Variants in ANKRD33B observed in about 807,000 individuals in gnomAD.
ANKRD33B encodes the protein ankyrin repeat domain 33B.
A neutral mutation model predicts 21.5 loss-of-function variants in ANKRD33B; 6 were observed. That is an observed-to-expected ratio of 0.28 (90% CI 0.15 to 0.55). ANKRD33B has a LOEUF of 0.55. ANKRD33B is among the 20% of genes least tolerant of loss of function. ANKRD33B has a pLI of 0.94. For synonymous variants in ANKRD33B, 347 were observed against 342.4 expected (o/e 1.01, Z -0.15); for missense variants, 698 against 747.2 (o/e 0.93, Z 0.77).
chr5:10,634,105 C>T (rs375905644), intron 2 of ANKRD33B, among the ~76,000 whole-genome samples: 2 of 152,318 alleles, frequency 1.3e-5, no homozygotes, highest in African/African-American at 4.8e-5. Context: ...ATAATTTTCA[C>T]AAATGGGAGG....
chr5:10,632,754 T>C (rs1736756359), intron 2 of ANKRD33B, among the ~76,000 whole-genome samples: 1 of 152,200 alleles, frequency 6.6e-6, no homozygotes, highest in South Asian at 2.1e-4. Context: ...TTTGAACGGC[T>C]CTATGCTAGT....
At position 10,619,438 on chromosome 5, in the gene ANKRD33B, C is replaced by T; in HGVS notation, c.496+976C>T. ...GTCACCAAAAGGAGACCTCCTTGTC[C>T]CTTGTTGCTTCACAAGCTCCTGGAC... On this transcript the variant is annotated intron_variant, in intron 2 of 3. Transcript: ENST00000296657. This position sits in a 1 kb window ranked among gnomAD's most constrained non-coding sequence, Gnocchi z 4.5. 1 of 957,254 alleles carries T rather than the reference C, an allele frequency of 1.0e-6. No homozygotes were observed. The highest frequency in any genetic ancestry group is 1.2e-6 in the Non-Finnish European group (1 of 804,466). The allele number at this position is 957,254 out of a possible 1,614,324, so 59.3% of individuals were successfully genotyped here. A position where few individuals can be genotyped will look rare whatever the true frequency, so the allele number is the denominator to read the frequency against.
intron 1 of ANKRD33B, among the ~76,000 whole-genome samples, chr5:10,596,441 T>C (rs1483432161): frequency 6.6e-6 from 1 of 152,226 alleles, no homozygotes; most frequent in Non-Finnish European, 1.5e-5. Context: ...GTTTCTGCAT[T>C]AGTTTGCCAA....
intron 1 of ANKRD33B, among the ~76,000 whole-genome samples, chr5:10,608,482 A>T (rs193218756): frequency 1.1e-4 from 16 of 152,234 alleles, no homozygotes; most frequent in African/African-American, 3.6e-4. Context: ...AGATTGTTAG[A>T]CCAATGGGAG....
rs150176379 is a variant in ANKRD33B at position 10,600,191 on chromosome 5, G to C, written c.367-18142G>C. Reference sequence around the variant, plus strand: ...TTTTCTGCTATCATTACTTCATTGAGAGATAATTTACATACAGTGAAATGC... The same window carrying C: ...TTTTCTGCTATCATTACTTCATTGACAGATAATTTACATACAGTGAAATGC... On this transcript the variant is annotated intron_variant, in intron 1 of 3. Coordinates refer to ENST00000296657, the MANE Select transcript of ANKRD33B (RefSeq NM_001164440.2). Among the ~76,000 whole-genome samples, 20 of 152,312 alleles carry C rather than the reference G, an allele frequency of 1.3e-4. No individual in the cohort carries two copies. The East Asian group carries it at 3.7e-3, about 28-fold the overall frequency.
chr5:10,589,351 C>T (rs1735635900), intron 1 of ANKRD33B, among the ~76,000 whole-genome samples: 1 of 152,160 alleles, frequency 6.6e-6, no homozygotes, highest in Non-Finnish European at 1.5e-5. Flanking sequence ...ATTCATTTTG[C>T]AGTCTGAGTG....
intron 3 of ANKRD33B, among the ~76,000 whole-genome samples, chr5:10,645,285 C>T (rs989381051): frequency 3.9e-5 from 6 of 152,062 alleles, no homozygotes; most frequent in African/African-American, 1.4e-4. Context: ...GAGACCTGAG[C>T]TAGGGTTTGT....
At chr5:10,603,896 C>G (rs963993685) in intron 1 of ANKRD33B, among the ~76,000 whole-genome samples, 5 of 139,622 alleles carry the variant, frequency 3.6e-5, no homozygotes, top group African/African-American at 1.3e-4. Flanking sequence ...AAAAGGAGAA[C>G]TTTTTTTTTT....
intron 1 of ANKRD33B, among the ~76,000 whole-genome samples, chr5:10,616,530 C>T (rs1736287801): frequency 7.1e-6 from 1 of 140,716 alleles, no homozygotes; most frequent in South Asian, 2.2e-4. Flanking sequence ...CACCATTGCA[C>T]TCTAGCCTGG....
intron 1 of ANKRD33B, among the ~76,000 whole-genome samples, chr5:10,585,241 T>A (rs1735528538): frequency 1.3e-5 from 2 of 152,206 alleles, no homozygotes; most frequent in South Asian, 4.1e-4. Context: ...CTTCTTAGGC[T>A]CTGGTTGTGG....
At chr5:10,585,680 G>A (rs1286732729) in intron 1 of ANKRD33B, among the ~76,000 whole-genome samples, 1 of 152,212 alleles carries the variant, frequency 6.6e-6, no homozygotes, top group East Asian at 1.9e-4. Flanking sequence ...CTTGCTGGGA[G>A]CCCTCATGAA....
At chr5:10,613,274 A>G (rs1736211790) in intron 1 of ANKRD33B, among the ~76,000 whole-genome samples, 1 of 126,190 alleles carries the variant, frequency 7.9e-6, no homozygotes, top group South Asian at 2.7e-4. Context: ...ACTATTTCTT[A>G]ATGAGGATTT....
At chr5:10,598,422 A>G (rs1362085282) in intron 1 of ANKRD33B, among the ~76,000 whole-genome samples, 1 of 151,920 alleles carries the variant, frequency 6.6e-6, no homozygotes, top group Non-Finnish European at 1.5e-5. Context: ...ATGCACCACC[A>G]TGCCTGGCTA....
At chr5:10,599,471 C>T (rs552207965) in intron 1 of ANKRD33B, among the ~76,000 whole-genome samples, 35 of 152,192 alleles carry the variant, frequency 2.3e-4, no homozygotes, top group Admixed American at 5.9e-4. Context: ...CCTCTCCCCC[C>T]AGTCCCTCTT....
At chr5:10,574,462 T>C (rs1253495544) in intron 1 of ANKRD33B, among the ~76,000 whole-genome samples, 2 of 152,158 alleles carry the variant, frequency 1.3e-5, no homozygotes, top group Non-Finnish European at 1.5e-5. Flanking sequence ...GAAACCATAA[T>C]GTAAATTGAG....
At position 10,649,827 on chromosome 5, in the gene ANKRD33B, C is replaced by T; in HGVS notation, c.1199C>T (p.Ala400Val). Reference sequence around the variant, plus strand: ...GGGTCCCGGGGCCCCGCAGCGCCCGCCCCGCGGAAGGCCAGCCTCCTGCCC... The same window carrying T: ...GGGTCCCGGGGCCCCGCAGCGCCCGTCCCGCGGAAGGCCAGCCTCCTGCCC... ...ALGSRGPAAP[A>V]PRKASLLPLQ... Residue 400 changes from alanine (A) to valine (V), a missense_variant, in exon 4 of 4, where the codon GCC becomes GTC. By Grantham distance (64) the Ala-to-Val change is moderately conservative. Transcript: ENST00000296657. The T allele has an allele frequency of 2.2e-6, 3 of 1,390,506 alleles. No individual in the cohort carries two copies. Among genetic ancestry groups the T allele is most frequent in the East Asian group, 3.2e-5 (1 of 31,672 alleles). The allele number at this position is 1,390,506 out of a possible 1,614,324, so 86.1% of individuals were successfully genotyped here. A position where few individuals can be genotyped will look rare whatever the true frequency, so the allele number is the denominator to read the frequency against.
intron 3 of ANKRD33B, among the ~76,000 whole-genome samples, chr5:10,638,972 G>A (rs375783443): frequency 7.4e-5 from 7 of 94,294 alleles, no homozygotes; most frequent in Non-Finnish European, 1.3e-4. Context: ...GCACGGCGAT[G>A]TTAGCGGGTG....
chr5:10,623,658 T>C (rs1397871331), intron 2 of ANKRD33B, among the ~76,000 whole-genome samples: 3 of 152,214 alleles, frequency 2.0e-5, no homozygotes, highest in African/African-American at 7.2e-5. Flanking sequence ...GATTCCTGTG[T>C]TCTCAGCTCT....
At position 10,650,152 on chromosome 5, in the gene ANKRD33B, G is replaced by T. The variant is rs111305853; in HGVS notation, c.*39G>T. On this transcript the variant is annotated 3_prime_UTR_variant, in exon 4 of 4. Transcript: ENST00000296657. The stretch of plus-strand genomic sequence containing the variant: ...TGGCGCTGGGGCCGGGGCTGGGGCC[G>T]GGGCGGGGCCGCAGGGCTGGGCGCG... 3 of 1,434,540 alleles carry T rather than the reference G, an allele frequency of 2.1e-6. No homozygotes were observed. Among genetic ancestry groups the T allele is most frequent in the Non-Finnish European group, 2.7e-6 (3 of 1,099,818 alleles). 88.9% of individuals were successfully genotyped at this position (1,434,540 alleles called of 1,614,324 possible).
Sources: allele counts gnomAD v4.1 joint callset (sites outside exome capture counted in the v4.1 genomes callset), GRCh38; gene constraint gnomAD v4.1.1; non-coding constraint Gnocchi (gnomAD v3.1); transcripts MANE v1.5; gene names NCBI Gene and HGNC (gene_info 2026-07-23, HGNC 2026-07-21).